The following YRDC variants were observed in gnomAD, a reference collection of about 807,000 sequenced individuals.
YRDC encodes yrdC N6-threonylcarbamoyltransferase domain containing.
A neutral mutation model predicts 21.5 loss-of-function variants in YRDC; 17 were observed. That is an observed-to-expected ratio of 0.79 (90% CI 0.54 to 1.19). The LOEUF (loss-of-function observed/expected upper bound fraction) is 1.19. YRDC is among the 50% of genes most tolerant of loss of function. The probability of loss-of-function intolerance (pLI) is 0.00; values close to 1 mark genes in which losing one functional copy is unlikely to be tolerated. For missense variants in YRDC, 380 were observed against 397.1 expected (o/e 0.96, Z 0.37); for synonymous variants, 193 against 176.7 (o/e 1.09, Z -0.73).
In YRDC at chr1:37,808,192, C is replaced by T. The variant is rs1051071153; in HGVS notation, c.-12G>A. ...CGCGCCGGAGACATCCGCCCAGGCC[C>T]GCTTCCGGGAGGAAGTGACGCTCCC... is the stretch of plus-strand genomic sequence containing the variant. On this transcript the variant is annotated 5_prime_UTR_variant, in exon 1 of 5. Coordinates refer to ENST00000373044, the MANE Select transcript of YRDC (RefSeq NM_024640.4). 27 of 1,429,370 alleles carry T rather than the reference C, an allele frequency of 1.9e-5. No individual in the cohort carries two copies. Among genetic ancestry groups the T allele is most frequent in the South Asian group, 2.8e-5 (2 of 71,790 alleles). 88.5% of individuals were successfully genotyped at this position (1,429,370 alleles called of 1,614,324 possible). A position where few individuals can be genotyped will look rare whatever the true frequency, so the allele number is the denominator to read the frequency against.
chr1:37,807,905 G>A lies in YRDC; in HGVS notation c.276C>T (p.Gly92=). The A allele has an allele frequency of 7.3e-7, 1 of 1,371,986 alleles. No homozygotes were observed. Among genetic ancestry groups the A allele is most frequent in the Non-Finnish European group, 9.5e-7 (1 of 1,056,028 alleles). The allele number at this position is 1,371,986 out of a possible 1,614,324, so 85.0% of individuals were successfully genotyped here. A position where few individuals can be genotyped will look rare whatever the true frequency, so the allele number is the denominator to read the frequency against. The change falls in exon 1 of 5, where the codon GGC becomes GGT. Residue 92 remains glycine, a synonymous_variant. Coordinates refer to ENST00000373044, the MANE Select transcript of YRDC (RefSeq NM_024640.4). ...VVAVPTDTLY[G]LACAASCSAA... is the part of the protein sequence containing the mutation. Reference sequence around the variant, plus strand: ...CCGAGCAGCTCGCCGCGCAGGCCAGGCCGTACAGCGTATCGGTGGGGACGG... The same window carrying A: ...CCGAGCAGCTCGCCGCGCAGGCCAGACCGTACAGCGTATCGGTGGGGACGG...
Position 37,808,040 on chromosome 1 carries a change from C to G in YRDC, c.141G>C (p.Leu47=). 1.5e-6 allele frequency: 2 copies of G among 1,306,336 alleles called. No individual in the cohort carries two copies. Among genetic ancestry groups the G allele is most frequent in the Non-Finnish European group, 9.7e-7 (1 of 1,031,610 alleles). 80.9% of individuals were successfully genotyped at this position (1,306,336 alleles called of 1,614,324 possible). A position where few individuals can be genotyped will look rare whatever the true frequency, so the allele number is the denominator to read the frequency against. ...SPAPAAPGAR[L]LRLPGSGAVQ... Reference sequence around the variant, plus strand: ...CGGCCCCGCTCCCCGGGAGCCGCAACAGCCGGGCGCCGGGGGCCGCCGGAG... The same window carrying G: ...CGGCCCCGCTCCCCGGGAGCCGCAAGAGCCGGGCGCCGGGGGCCGCCGGAG... Residue 47 remains leucine (L), a synonymous_variant, in exon 1 of 5, where the codon CTG becomes CTC. Transcript: ENST00000373044.
chr1:37,807,750 CGCGGTGCCGCCCCTA>C, intron 1 of YRDC, 27 bp downstream of exon 1: 1 of 1,436,860 alleles, frequency 7.0e-7, no homozygotes, highest in South Asian at 1.3e-5. Context: ...AAACCCCTCC[CGCGGTGCCGCCCCTA>C]GCGGGGCCGG....
rs1440926229 is a variant in YRDC at position 37,807,142 on chromosome 1, G to A, written c.463C>T (p.Arg155Cys). ...LPGPVTLVME[R>C]SEELNKDLNP... is the part of the protein sequence containing the mutation. Reference sequence around the variant, plus strand: ...AGGTCCTTGTTGAGCTCCTCCGAGCGTTCCATCACCAGGGTCACTGGTCCT... The same window carrying A: ...AGGTCCTTGTTGAGCTCCTCCGAGCATTCCATCACCAGGGTCACTGGTCCT... Residue 155 changes from arginine (R) to cysteine (C), a missense_variant, in exon 2 of 5, where the codon CGC becomes TGC. Coordinates refer to ENST00000373044, the MANE Select transcript of YRDC (RefSeq NM_024640.4). 2 of 1,614,158 alleles carry A rather than the reference G, an allele frequency of 1.2e-6. No individual in the cohort carries two copies. Among genetic ancestry groups the A allele is most frequent in the East Asian group, 2.2e-5 (1 of 44,886 alleles).
chr1:37,808,177 A>T lies in YRDC; in HGVS notation c.4T>A (p.Ser2Thr). The T allele has an allele frequency of 1.4e-6, 2 of 1,451,022 alleles. No individual in the cohort carries two copies. Among genetic ancestry groups the T allele is most frequent in the Non-Finnish European group, 1.8e-6 (2 of 1,105,660 alleles). 89.9% of individuals were successfully genotyped at this position (1,451,022 alleles called of 1,614,324 possible). The stretch of plus-strand genomic sequence containing the variant: ...ATCCCCCTGCACCGACGCGCCGGAG[A>T]CATCCGCCCAGGCCCGCTTCCGGGA... M[S>T]PARRCRGMRA... is the part of the protein sequence containing the mutation. The change falls in exon 1 of 5, where the codon TCT becomes ACT. Residue 2 changes from serine (S) to threonine (T), a missense_variant. Physicochemically the swap from Ser to Thr is moderately conservative, Grantham distance 58. Transcript: ENST00000373044.
Position 37,808,170 on chromosome 1 carries a change from G to A in YRDC, c.11C>T (p.Ala4Val), listed in dbSNP as rs1211539674. The A allele has an allele frequency of 6.2e-6, 9 of 1,455,200 alleles. No individual in the cohort carries two copies. The highest frequency in any genetic ancestry group is 8.1e-6 in the Non-Finnish European group (9 of 1,107,742). The allele number at this position is 1,455,200 out of a possible 1,614,324, so 90.1% of individuals were successfully genotyped here. The change falls in exon 1 of 5, where the codon GCG (alanine) becomes GTG (valine). Residue 4 changes from alanine to valine, a missense_variant. Around this residue, in one of 3 missense-constraint regions of YRDC, gnomAD observed 91 missense variants for 64.7 expected, o/e 1.41. Transcript: ENST00000373044. MSPARRCRGMRAAV... is the reference protein window; with the variant it reads MSPVRRCRGMRAAV... ...GGCCCTCATCCCCCTGCACCGACGC[G>A]CCGGAGACATCCGCCCAGGCCCGCT...
chr1:37,807,116 T>G lies in YRDC; in HGVS notation c.489A>C (p.Leu163=). ...MERSEELNKD[L]NPFTPLVGIR... ...CTTGACTCACAGGCGTAAAAGGGTT[T>G]AGGTCCTTGTTGAGCTCCTCCGAGC... Residue 163 remains leucine, a synonymous_variant, in exon 2 of 5, where the codon CTA becomes CTC. Coordinates refer to ENST00000373044, the MANE Select transcript of YRDC (RefSeq NM_024640.4). 1 of 1,614,152 alleles carries G rather than the reference T, an allele frequency of 6.2e-7. No homozygotes were observed. The highest frequency in any genetic ancestry group is 1.1e-5 in the South Asian group (1 of 91,080).
intron 3 of YRDC, among the ~76,000 whole-genome samples, chr1:37,805,784 C>T (rs1646730409): frequency 6.6e-6 from 1 of 152,146 alleles, no homozygotes; most frequent in South Asian, 2.1e-4. Context: ...GAATGGAGTT[C>T]TGAGCAGGGA....
intron 2 of YRDC, 48 bp from the exon 3 acceptor site, chr1:37,807,024 G>C (rs116559366): frequency 6.2e-7 from 1 of 1,614,164 alleles, no homozygotes; most frequent in East Asian, 2.2e-5. Flanking sequence ...GAAGGGATAA[G>C]AGGGTAAGTC....
At position 37,807,824 on chromosome 1, in the gene YRDC, G is replaced by A. The variant is rs143181596; in HGVS notation, c.357C>T (p.Ala119=). ...LKGRSEAKPL[A]VCLGRVADVY... The stretch of plus-strand genomic sequence containing the variant: ...CGTCGGCCACGCGGCCGAGGCATAC[G>A]GCCAGAGGCTTGGCCTCGCTGCGAC... Residue 119 remains alanine (A), a synonymous_variant, in exon 1 of 5, where the codon GCC becomes GCT. Coordinates refer to ENST00000373044, the MANE Select transcript of YRDC (RefSeq NM_024640.4). 4.6e-5 allele frequency: 70 copies of A among 1,511,374 alleles called. No individual in the cohort carries two copies. The highest frequency in any genetic ancestry group is 8.4e-5 in the South Asian group (7 of 83,036). 93.6% of individuals were successfully genotyped at this position (1,511,374 alleles called of 1,614,324 possible).
rs771322784 is a variant in YRDC, at chr1:37,803,938, G to T, written c.827C>A (p.Ala276Glu). 6.2e-7 allele frequency: 1 copy of T among 1,614,104 alleles called. No homozygotes were observed. ...CTTCCCAGAGTTTCACAGGTAGGAC[G>T]CATGTGAGGGGAGCAGTCCGTACTT... ...QQKYGLLPSH[A>E]SYL Residue 276 changes from alanine to glutamate, a missense_variant, in exon 5 of 5, where the codon GCG becomes GAG. Transcript: ENST00000373044.
chr1:37,806,204 T>C (rs1477295770), intron 3 of YRDC, among the ~76,000 whole-genome samples: 1 of 151,074 alleles, frequency 6.6e-6, no homozygotes, highest in Admixed American at 6.6e-5. Flanking sequence ...ACTTCATCTT[T>C]TTTTTTTTTT....
rs370868306 is a variant in YRDC, at chr1:37,808,172, C to G, written c.9G>C (p.Pro3=). The G allele has an allele frequency of 8.4e-3, 12,206 of 1,454,488 alleles. 57 individuals carry two copies. Among genetic ancestry groups the G allele is most frequent in the Non-Finnish European group, 9.0e-3 (10,022 of 1,107,510 alleles). The allele number at this position is 1,454,488 out of a possible 1,614,324, so 90.1% of individuals were successfully genotyped here. MS[P]ARRCRGMRAA... ...CCCTCATCCCCCTGCACCGACGCGCCGGAGACATCCGCCCAGGCCCGCTTC... is the reference window on the plus strand; with the variant it reads ...CCCTCATCCCCCTGCACCGACGCGCGGGAGACATCCGCCCAGGCCCGCTTC... Residue 3 remains proline (P), a synonymous_variant, in exon 1 of 5, where the codon CCG becomes CCC. Coordinates refer to ENST00000373044, the MANE Select transcript of YRDC (RefSeq NM_024640.4).
In YRDC at chr1:37,803,832, C is replaced by T. The variant is rs1342600914; in HGVS notation, c.*93G>A. 54 of 1,397,812 alleles carry T rather than the reference C, an allele frequency of 3.9e-5. No individual in the cohort carries two copies. The Middle Eastern group carries it at 9.6e-4, about 25-fold the overall frequency. The allele number at this position is 1,397,812 out of a possible 1,614,324, so 86.6% of individuals were successfully genotyped here. On this transcript the variant is annotated 3_prime_UTR_variant, in exon 5 of 5. Coordinates refer to ENST00000373044, the MANE Select transcript of YRDC (RefSeq NM_024640.4). ...AAAAGTCAGGCTAGTGCCCTAGCTC[C>T]GGTGGCCTCTGCAAATGAGGCCTTG...
chr1:37,807,002 T>A (rs533332263), intron 2 of YRDC, 26 bp from the exon 3 acceptor site: 2 of 1,613,028 alleles, frequency 1.2e-6, no homozygotes, highest in African/African-American at 2.7e-5. Flanking sequence ...AAAGGGATCA[T>A]GAGAAAGGTT....
intron 1 of YRDC, chr1:37,807,520 G>A (rs1383692513): frequency 3.3e-6 from 2 of 614,036 alleles, no homozygotes; most frequent in African/African-American, 3.7e-5. Context: ...AAGCTACTGT[G>A]TTTGTTTGCT....
At chr1:37,804,082 T>G in intron 4 of YRDC, 85 bp from the exon 5 acceptor site, 2 of 1,545,012 alleles carry the variant, frequency 1.3e-6, no homozygotes, top group Non-Finnish European at 1.8e-6. Context: ...ACATCGAAAC[T>G]GGCTAGCCTT....
intron 1 of YRDC, 74 bp from the exon 2 acceptor site, chr1:37,807,289 A>C: frequency 7.3e-7 from 1 of 1,373,182 alleles, no homozygotes; most frequent in Non-Finnish European, 1.0e-6. Flanking sequence ...CTCTAGGCAG[A>C]CGTAGAAAAG....
At chr1:37,807,501 TATTAA>T in intron 1 of YRDC, 2 of 590,994 alleles carry the variant, frequency 3.4e-6, no homozygotes, top group Non-Finnish European at 5.8e-6. Context: ...AGGCATTCGC[TATTAA>T]ATTAAGCTAC....
Sources: allele counts gnomAD v4.1 joint callset (sites outside exome capture counted in the v4.1 genomes callset), GRCh38; gene constraint gnomAD v4.1.1; regional missense constraint gnomAD v4.1.1; transcripts MANE v1.5; gene names NCBI Gene and HGNC (gene_info 2026-07-23, HGNC 2026-07-21).